The following KPNA1 variants were observed in gnomAD, a reference collection of about 807,000 sequenced individuals.
KPNA1 encodes the protein karyopherin subunit alpha 1, also known as importin subunit alpha-5.
A neutral mutation model predicts 70.5 loss-of-function variants in KPNA1; 10 were observed. The observed-to-expected ratio is 0.14, with a 90% CI of 0.09 to 0.24. The LOEUF is 0.24. Among genes scored for constraint, KPNA1 ranks in the 10% least tolerant of loss-of-function variants. KPNA1 has a pLI of 1.00. For synonymous variants in KPNA1, 192 were observed against 221.9 expected, an observed-to-expected ratio of 0.87 and a Z score of 1.20; for missense variants, 397 against 637.9, an observed-to-expected ratio of 0.62 and a Z score of 4.07.
At chr3:122,434,432 T>G (rs1324357924) in intron 11 of KPNA1, among the ~76,000 whole-genome samples, 1 of 150,900 alleles carries the variant, frequency 6.6e-6, no homozygotes, top group Non-Finnish European at 1.5e-5. Flanking sequence ...TGAACTTCCA[T>G]GTGCGAAAAC....
At chr3:122,509,039 A>G (rs2076923322) in intron 1 of KPNA1, among the ~76,000 whole-genome samples, 1 of 152,188 alleles carries the variant, frequency 6.6e-6, no homozygotes, top group Non-Finnish European at 1.5e-5. Flanking sequence ...TGAGGTCAGG[A>G]GTTCAAGACC....
intron 1 of KPNA1, among the ~76,000 whole-genome samples, chr3:122,512,394 T>C (rs1291654616): frequency 6.6e-6 from 1 of 152,242 alleles, no homozygotes; most frequent in Non-Finnish European, 1.5e-5. Flanking sequence ...ATCATAGTTC[T>C]GTGAAGAAAC....
intron 6 of KPNA1, among the ~76,000 whole-genome samples, chr3:122,453,668 C>T (rs1363926581): frequency 6.6e-6 from 1 of 152,068 alleles, no homozygotes; most frequent in African/African-American, 2.4e-5. Flanking sequence ...TCCCAAGTAG[C>T]TGGGATTACA....
At chr3:122,512,705 G>A (rs2076968619) in intron 1 of KPNA1, among the ~76,000 whole-genome samples, 1 of 152,198 alleles carries the variant, frequency 6.6e-6, no homozygotes, top group Non-Finnish European at 1.5e-5. Flanking sequence ...CTGGGCAACA[G>A]AGCAAGCATC....
chr3:122,495,733 A>AAG (rs2076752469), intron 2 of KPNA1, among the ~76,000 whole-genome samples: 1 of 151,516 alleles, frequency 6.6e-6, no homozygotes, highest in South Asian at 2.1e-4. Flanking sequence ...TAGCAAAAAA[A>AAG]AAAAAAAAAA....
At chr3:122,435,341 G>T (rs1227325084) in intron 11 of KPNA1, among the ~76,000 whole-genome samples, 1 of 151,912 alleles carries the variant, frequency 6.6e-6, no homozygotes, top group Non-Finnish European at 1.5e-5. Flanking sequence ...GAACACTTTG[G>T]CCCACTGCTT....
intron 9 of KPNA1, among the ~76,000 whole-genome samples, chr3:122,445,409 C>T (rs1235517027): frequency 2.0e-4 from 31 of 152,092 alleles, no homozygotes. Flanking sequence ...AATGTCATAT[C>T]CAGCCAAACT....
chr3:122,437,236 T>C lies in KPNA1; in HGVS notation c.1056A>G (p.Glu352=). 2 of 1,613,896 alleles carry C rather than the reference T, an allele frequency of 1.2e-6. No individual in the cohort carries two copies. The highest frequency in any genetic ancestry group is 1.7e-6 in the Non-Finnish European group (2 of 1,179,766). ...TCCAACATGCTTCCTTTTTGATAGA[T>C]TCCTTTGGGCTACTCAGCAAATGCA... ...SLLHLLSSPK[E]SIKKEACWTI... is the part of the protein sequence containing the mutation. Residue 352 remains glutamate (E), a synonymous_variant, in exon 11 of 14, where the codon GAA becomes GAG. Coordinates refer to ENST00000344337, the MANE Select transcript of KPNA1 (RefSeq NM_002264.4).
intron 12 of KPNA1, among the ~76,000 whole-genome samples, chr3:122,430,816 T>G (rs1463950908): frequency 2.0e-5 from 3 of 152,256 alleles, no homozygotes; most frequent in Non-Finnish European, 2.9e-5. Context: ...ACACAGGCCT[T>G]ACTTTGTGTC....
intron 2 of KPNA1, among the ~76,000 whole-genome samples, chr3:122,484,301 G>A (rs1201797000): frequency 1.3e-5 from 2 of 152,098 alleles, no homozygotes; most frequent in Non-Finnish European, 2.9e-5. Context: ...TAGTACATAA[G>A]AACTGTGTAC....
At chr3:122,427,267 A>G in intron 13 of KPNA1, 95 bp from the exon 14 acceptor site, 1 of 925,060 alleles carries the variant, frequency 1.1e-6, no homozygotes, top group Non-Finnish European at 1.6e-6. Flanking sequence ...TTTGTCATAT[A>G]TCTCTGTTCT....
intron 2 of KPNA1, among the ~76,000 whole-genome samples, chr3:122,474,535 T>G (rs1274601741): frequency 6.6e-6 from 1 of 152,158 alleles, no homozygotes; most frequent in Non-Finnish European, 1.5e-5. Flanking sequence ...ATAAATCTAG[T>G]ACAATGATCT....
intron 2 of KPNA1, among the ~76,000 whole-genome samples, chr3:122,475,752 C>T (rs1001936539): frequency 1.3e-5 from 2 of 152,128 alleles, no homozygotes; most frequent in East Asian, 1.9e-4. Context: ...TAAATTAACA[C>T]ATTTTGCATG....
intron 1 of KPNA1, among the ~76,000 whole-genome samples, chr3:122,507,544 T>C (rs1464533999): frequency 6.6e-6 from 1 of 152,056 alleles, no homozygotes; most frequent in Non-Finnish European, 1.5e-5. Context: ...ATACTGATTA[T>C]ACAAGAAAAA....
intron 10 of KPNA1, among the ~76,000 whole-genome samples, chr3:122,441,495 T>C (rs1243720782): frequency 2.0e-5 from 3 of 152,126 alleles, no homozygotes; most frequent in African/African-American, 2.4e-5. Context: ...GAAAAACAAA[T>C]CTGCCTGACC....
intron 2 of KPNA1, among the ~76,000 whole-genome samples, chr3:122,478,894 CAAAAAAAAAAAAAAA>C (rs57843662): frequency 5.3e-5 from 1 of 18,696 alleles, no homozygotes; most frequent in South Asian, 3.1e-3. Context: ...AACCTCGTCT[CAAAAAAAAAAAAAAA>C]AAAAAAAAAA....
At chr3:122,431,688 T>G (rs752693040) in intron 12 of KPNA1, among the ~76,000 whole-genome samples, 1 of 152,210 alleles carries the variant, frequency 6.6e-6, no homozygotes, top group Non-Finnish European at 1.5e-5. Flanking sequence ...ATGCTGAATT[T>G]TAAAAAGGGA....
Position 122,423,885 on chromosome 3 carries a change from A to AG in KPNA1, c.*3099_*3100insC, listed in dbSNP as rs1205519150. The AG allele has an allele frequency of 2.6e-5, 4 of 152,524 alleles. No homozygotes were observed. The South Asian group carries it at 8.3e-4, about 32-fold the overall frequency. The allele number at this position is 152,524 out of a possible 1,614,324, so 9.4% of individuals were successfully genotyped here. A position where few individuals can be genotyped will look rare whatever the true frequency, so the allele number is the denominator to read the frequency against. ...ATATGGAAGAAACAATCCTAGGGCAATAGTTTTTTCAAAAGCGGAACTGAC... is the reference window on the plus strand; with the variant it reads ...ATATGGAAGAAACAATCCTAGGGCAAGTAGTTTTTTCAAAAGCGGAACTGAC... On this transcript the variant is annotated 3_prime_UTR_variant, in exon 14 of 14. Coordinates refer to ENST00000344337, the MANE Select transcript of KPNA1 (RefSeq NM_002264.4).
chr3:122,453,637 A>G (rs1282588024), intron 6 of KPNA1, among the ~76,000 whole-genome samples: 5 of 152,084 alleles, frequency 3.3e-5, no homozygotes, highest in Non-Finnish European at 7.4e-5. Context: ...CTCGGGTTCA[A>G]GCAATTCTCC....
Sources: gnomAD v4.1 joint callset for allele counts (sites outside exome capture counted in the v4.1 genomes callset) on GRCh38, gnomAD v4.1.1 for gene constraint, MANE v1.5 for transcripts, NCBI Gene and HGNC (gene_info 2026-07-23, HGNC 2026-07-21) for gene names.